GSE1: variants seen among roughly 807,000 people sequenced by gnomAD.
The protein encoded by GSE1 is Gse1 coiled-coil protein.
GSE1 carries 32 observed loss-of-function variants against 112.6 expected under a neutral mutation model. The ratio of observed to expected loss-of-function variants is 0.28; its 90% CI spans 0.21 to 0.38. GSE1 has a LOEUF of 0.38. GSE1 is among the 10% of genes least tolerant of loss of function. The pLI is 1.00. For synonymous variants in GSE1, 1,115 were observed against 735.6 expected (o/e 1.52, Z -8.35); for missense variants, 2,348 against 1,699.2 (o/e 1.38, Z -6.71).
intron 1 of GSE1, among the ~76,000 whole-genome samples, chr16:85,224,482 T>C (rs752496067): frequency 2.0e-5 from 3 of 152,086 alleles, no homozygotes; most frequent in Non-Finnish European, 4.4e-5. Flanking sequence ...CTTAGTTCAG[T>C]TGGAGCCTGA....
chr16:85,445,704 C>A (rs115964595), intron 2 of GSE1, among the ~76,000 whole-genome samples: 7,276 of 152,278 alleles, frequency 0.048, 587 homozygotes, highest in African/African-American at 0.17. Flanking sequence ...TCGGGGAGCG[C>A]GCCAGCAGCA....
chr16:85,331,349 G>A (rs1567692424), intron 1 of GSE1, among the ~76,000 whole-genome samples: 30 of 67,358 alleles, frequency 4.5e-4, no homozygotes, highest in East Asian at 3.9e-3. Context: ...GTGTGTGTGT[G>A]TGTGTGTGTG....
At chr16:85,624,539 G>T (rs1345306594) in intron 1 of GSE1, among the ~76,000 whole-genome samples, 3 of 152,232 alleles carry the variant, frequency 2.0e-5, no homozygotes, top group African/African-American at 7.2e-5. Flanking sequence ...GCTGCCACAG[G>T]GAGGGGACCC....
intron 1 of GSE1, among the ~76,000 whole-genome samples, chr16:85,605,550 G>A (rs2047667982): frequency 1.3e-5 from 2 of 152,170 alleles, no homozygotes; most frequent in African/African-American, 2.4e-5. Flanking sequence ...CAAAGTGGGG[G>A]CAGGGGGACA....
intron 2 of GSE1, among the ~76,000 whole-genome samples, chr16:85,449,739 A>G (rs1363840367): frequency 6.6e-6 from 1 of 152,166 alleles, no homozygotes; most frequent in Non-Finnish European, 1.5e-5. Flanking sequence ...TGGGGTTTGG[A>G]TCGCTGCTGT....
At chr16:85,481,734 A>G (rs948771598) in intron 2 of GSE1, among the ~76,000 whole-genome samples, 2 of 152,228 alleles carry the variant, frequency 1.3e-5, no homozygotes, top group Non-Finnish European at 1.5e-5. Context: ...AAATGCATTT[A>G]GGAGGACTCT....
intron 1 of GSE1, among the ~76,000 whole-genome samples, chr16:85,182,923 T>C (rs1157599895): frequency 1.3e-5 from 2 of 150,626 alleles, no homozygotes; most frequent in Non-Finnish European, 2.9e-5. Flanking sequence ...TGCACCTCCT[T>C]CTCCTGCACC....
Position 85,411,137 on chromosome 16 carries a change from A to T in GSE1, c.2464+53494A>T, listed in dbSNP as rs77364146. Among the ~76,000 whole-genome samples the T allele has an allele frequency of 1.1e-3, 98 of 91,182 alleles. 15 individuals carry two copies. Among genetic ancestry groups the T allele is most frequent in the African/African-American group, 4.2e-3 (70 of 16,548 alleles). The allele number at this position is 91,182 out of a possible 152,430, so 59.8% of individuals were successfully genotyped here. A position where few individuals can be genotyped will look rare whatever the true frequency, so the allele number is the denominator to read the frequency against. On this transcript the variant is annotated intron_variant, in intron 2 of 2. Coordinates refer to the GSE1 transcript ENST00000637419. ...CCCCCCGGATAATCCTCACCGTTACACTCAGGGCCCCCCTGGATAATCCTC... is the reference window on the plus strand; with the variant it reads ...CCCCCCGGATAATCCTCACCGTTACTCTCAGGGCCCCCCTGGATAATCCTC...
chr16:85,343,905 C>T (rs2046676756), intron 1 of GSE1, among the ~76,000 whole-genome samples: 1 of 152,194 alleles, frequency 6.6e-6, no homozygotes, highest in African/African-American at 2.4e-5. Flanking sequence ...CCTAGCTCCT[C>T]CCGTGCCACT....
intron 1 of GSE1, among the ~76,000 whole-genome samples, chr16:85,351,849 G>A (rs1051073774): frequency 6.6e-6 from 1 of 152,116 alleles, no homozygotes; most frequent in Non-Finnish European, 1.5e-5. Flanking sequence ...AATTAGCTGG[G>A]CCTGGTGGCG....
In GSE1 at chr16:85,401,146, G is replaced by A. The variant is rs142217789; in HGVS notation, c.2464+43503G>A. Among the ~76,000 whole-genome samples, 866 of 152,308 alleles carry A rather than the reference G, an allele frequency of 5.7e-3. 9 individuals are homozygous for A. Among genetic ancestry groups the A allele is most frequent in the African/African-American group, 0.019 (803 of 41,570 alleles). ...AGGCCCAGCTGGGTGGGTGCGGTGC[G>A]GGGAGGGGCAATGGGGGCCCCCGCC... On this transcript the variant is annotated intron_variant, in intron 2 of 2. Coordinates refer to the GSE1 transcript ENST00000637419.
At chr16:85,501,009 T>G (rs561127819) in intron 2 of GSE1, among the ~76,000 whole-genome samples, 39 of 134,368 alleles carry the variant, frequency 2.9e-4, no homozygotes, top group Middle Eastern at 3.5e-3. Context: ...TTTTTTTTTT[T>G]TTTTTTTTTT....
chr16:85,377,559 T>G (rs1234485383), intron 2 of GSE1, among the ~76,000 whole-genome samples: 1 of 152,284 alleles, frequency 6.6e-6, no homozygotes, highest in Non-Finnish European at 1.5e-5. Flanking sequence ...GGCAGTTAAA[T>G]GAGATGATGA....
chr16:85,435,454 C>T (rs1174773699), intron 2 of GSE1, among the ~76,000 whole-genome samples: 2 of 152,180 alleles, frequency 1.3e-5, no homozygotes, highest in African/African-American at 4.8e-5. Context: ...TCGACTGCAG[C>T]GGAAATTCCT....
rs569786500 is a variant in GSE1, at chr16:85,359,595, G to C, written c.2464+1952G>C. 1.3e-4 allele frequency: 44 copies of C among 347,830 alleles called. No individual in the cohort carries two copies. In the Admixed American group the frequency reaches 1.6e-3, roughly 13 times the overall value. The allele number at this position is 347,830 out of a possible 1,614,324, so 21.5% of individuals were successfully genotyped here. On this transcript the variant is annotated intron_variant, in intron 2 of 2. Coordinates refer to the GSE1 transcript ENST00000637419. ...GATGCTTGTAAGCTGCTTGAAGAGG[G>C]CTGGGCACCGAGGAAGAACCAAGTC... is the stretch of plus-strand genomic sequence containing the variant.
intron 1 of GSE1, among the ~76,000 whole-genome samples, chr16:85,184,176 G>T (rs1371527618): frequency 6.6e-6 from 1 of 152,206 alleles, no homozygotes; most frequent in Non-Finnish European, 1.5e-5. Flanking sequence ...GGAACAGGAA[G>T]AGTCTTGGGA....
intron 1 of GSE1, among the ~76,000 whole-genome samples, chr16:85,243,892 C>G (rs190697964): frequency 3.9e-5 from 6 of 152,098 alleles, no homozygotes; most frequent in African/African-American, 1.4e-4. Context: ...TTTGGGAGGC[C>G]GAGGTGGGCG....
intron 2 of GSE1, among the ~76,000 whole-genome samples, chr16:85,392,860 C>G (rs968563437): frequency 6.6e-6 from 1 of 152,184 alleles, no homozygotes; most frequent in African/African-American, 2.4e-5. Context: ...TGGCTGACCC[C>G]GAATGTGCGG....
At chr16:85,230,127 A>G (rs1230365807) in intron 1 of GSE1, among the ~76,000 whole-genome samples, 2 of 152,184 alleles carry the variant, frequency 1.3e-5, no homozygotes, top group Non-Finnish European at 2.9e-5. Flanking sequence ...CTGCACTGTA[A>G]GTGGTGCTGT....
Sources: allele counts gnomAD v4.1 joint callset (sites outside exome capture counted in the v4.1 genomes callset), GRCh38; gene constraint gnomAD v4.1.1; transcripts MANE v1.5; gene names NCBI Gene and HGNC (gene_info 2026-07-23, HGNC 2026-07-21).